The following ZFHX3 variants were observed in gnomAD, a reference collection of about 807,000 sequenced individuals.
ZFHX3 encodes the protein zinc finger homeobox protein 3.
A neutral mutation model predicts 279.1 loss-of-function variants in ZFHX3; 42 were observed. That is an observed-to-expected ratio of 0.15 (90% confidence interval 0.12 to 0.19). The LOEUF (loss-of-function observed/expected upper bound fraction) is 0.19, where lower values mean the gene tolerates loss of function less well. Ranked by LOEUF, ZFHX3 falls within the 10% of genes least tolerant of loss-of-function variation. The pLI is 1.00. For synonymous variants in ZFHX3, 2,293 were observed against 1,957.8 expected (o/e 1.17, Z -4.52); for missense variants, 4,981 against 4,754.0 (o/e 1.05, Z -1.40).
chr16:73,123,206 T>TA (rs34803776), intron 7 of ZFHX3: 56,050 of 135,666 alleles, frequency 0.41, 12,641 homozygotes, highest in Middle Eastern at 0.61. Flanking sequence ...TGTGGTAGAT[T>TA]AAAAAAAAAA....
chr16:73,286,551 G>A (rs565837167), intron 4 of ZFHX3, among the ~76,000 whole-genome samples: 1 of 151,104 alleles, frequency 6.6e-6, no homozygotes, highest in Admixed American at 6.6e-5. Flanking sequence ...CTGTGTGGGT[G>A]TGTGCGTTGG....
intron 3 of ZFHX3, among the ~76,000 whole-genome samples, chr16:73,319,195 A>T (rs1306990309): frequency 6.6e-6 from 1 of 152,112 alleles, no homozygotes; most frequent in Non-Finnish European, 1.5e-5. Flanking sequence ...ATAGGAAAAG[A>T]TGTGAGGGCT....
chr16:73,260,420 C>A (rs1376646320), intron 4 of ZFHX3, among the ~76,000 whole-genome samples: 1 of 152,056 alleles, frequency 6.6e-6, no homozygotes, highest in Non-Finnish European at 1.5e-5. Context: ...TTATACTGTG[C>A]TACTATCGAT....
At chr16:73,600,656 G>A (rs185186040) in intron 2 of ZFHX3, among the ~76,000 whole-genome samples, 30 of 151,998 alleles carry the variant, frequency 2.0e-4, no homozygotes, top group African/African-American at 7.3e-4. Context: ...TCTTGACCTC[G>A]TGATCCGCCC....
At chr16:73,844,120 AG>A (rs1379771148) in intron 1 of ZFHX3, among the ~76,000 whole-genome samples, 23 of 152,206 alleles carry the variant, frequency 1.5e-4, no homozygotes, top group Admixed American at 4.6e-4. Context: ...CTTTCAAACA[AG>A]TGTTTCAGAA....
intron 1 of ZFHX3, among the ~76,000 whole-genome samples, chr16:73,869,621 C>T (rs934346880): frequency 6.6e-6 from 1 of 152,156 alleles, no homozygotes; most frequent in Admixed American, 6.5e-5. Flanking sequence ...AAGAAATAGG[C>T]GCTTACATAT....
intron 1 of ZFHX3, chr16:73,813,909 T>G (rs1218229459): frequency 6.6e-6 from 1 of 152,230 alleles, no homozygotes; most frequent in South Asian, 2.1e-4. Context: ...TTTGTAATAT[T>G]TGCTTAATCT....
chr16:73,638,982 C>T (rs932430043), intron 2 of ZFHX3, among the ~76,000 whole-genome samples: 1 of 152,004 alleles, frequency 6.6e-6, no homozygotes, highest in Non-Finnish European at 1.5e-5. Context: ...AAAAGAAAAA[C>T]AAAGGAAGAG....
intron 3 of ZFHX3, among the ~76,000 whole-genome samples, chr16:73,455,230 G>A (rs1597342003): frequency 6.6e-6 from 1 of 152,156 alleles, no homozygotes. Context: ...CATAAAAATA[G>A]CACCTCTTAT....
intron 4 of ZFHX3, among the ~76,000 whole-genome samples, chr16:72,874,448 C>T (rs528142380): frequency 3.3e-5 from 5 of 151,960 alleles, no homozygotes; most frequent in African/African-American, 1.2e-4. Flanking sequence ...GTGATCTGCC[C>T]GCCTCGGCCT....
intron 2 of ZFHX3, among the ~76,000 whole-genome samples, chr16:73,644,559 G>A (rs886401456): frequency 2.0e-5 from 3 of 152,196 alleles, no homozygotes; most frequent in African/African-American, 7.2e-5. Flanking sequence ...TACCCCAGAG[G>A]CTGAGGTAGG....
At chr16:72,846,600 G>T (rs2037486628) in intron 4 of ZFHX3, among the ~76,000 whole-genome samples, 1 of 152,220 alleles carries the variant, frequency 6.6e-6, no homozygotes, top group Non-Finnish European at 1.5e-5. Flanking sequence ...GTAGTGTCTG[G>T]GATGGACTGC....
At chr16:73,433,134 C>T (rs1022294293) in intron 3 of ZFHX3, among the ~76,000 whole-genome samples, 1 of 152,158 alleles carries the variant, frequency 6.6e-6, no homozygotes, top group Non-Finnish European at 1.5e-5. Context: ...TCAAGGTCCT[C>T]CGTGGAGTAG....
rs751411258 is a variant in ZFHX3, at chr16:72,957,528, G to C, written c.2618C>G (p.Pro873Arg). The C allele has an allele frequency of 1.2e-6, 2 of 1,614,180 alleles. No homozygotes were observed. The highest frequency in any genetic ancestry group is 1.7e-6 in the Non-Finnish European group (2 of 1,180,046). Reference sequence around the variant, plus strand: ...GGCAGCACTGTCCATCTTCAGGTTGGGCAGGTTCATGTTCTGGGCCAGGTA... The same window carrying C: ...GGCAGCACTGTCCATCTTCAGGTTGCGCAGGTTCATGTTCTGGGCCAGGTA... ...QYYLAQNMNL[P>R]NLKMDSAASD... Residue 873 changes from proline to arginine, a missense_variant, in exon 2 of 10, where the codon CCC becomes CGC. By Grantham distance (103) the Pro-to-Arg change is moderately radical. Transcript: ENST00000268489.
At chr16:73,889,279 T>C (rs1169265275) in intron 1 of ZFHX3, among the ~76,000 whole-genome samples, 1 of 152,178 alleles carries the variant, frequency 6.6e-6, no homozygotes, top group Non-Finnish European at 1.5e-5. Context: ...TCCAGAACTT[T>C]CCACTGACTG....
At chr16:73,325,742 G>A (rs62057266) in intron 3 of ZFHX3, among the ~76,000 whole-genome samples, 32,330 of 151,736 alleles carry the variant, frequency 0.21, 3,989 homozygotes, top group African/African-American at 0.34. Flanking sequence ...GAATGATACC[G>A]TTAGGAAAAA....
At chr16:73,444,984 A>G (rs1044550943) in intron 3 of ZFHX3, among the ~76,000 whole-genome samples, 2 of 142,546 alleles carry the variant, frequency 1.4e-5, no homozygotes, top group Non-Finnish European at 3.1e-5. Context: ...AAAAAAAACA[A>G]ATTAGCCAGG....
intron 1 of ZFHX3, among the ~76,000 whole-genome samples, chr16:73,729,565 A>AG (rs1223547187): frequency 1.3e-5 from 2 of 152,110 alleles, no homozygotes; most frequent in Admixed American, 6.5e-5. Flanking sequence ...AAAAAAAAAA[A>AG]AAAAAACCTG....
chr16:73,834,791 T>C (rs967489964), intron 1 of ZFHX3, among the ~76,000 whole-genome samples: 7 of 152,248 alleles, frequency 4.6e-5, no homozygotes, highest in Admixed American at 2.0e-4. Flanking sequence ...CTCATGTCAC[T>C]GAGGCAGGAG....
Sources: gnomAD v4.1 joint callset for allele counts (sites outside exome capture counted in the v4.1 genomes callset) on GRCh38, gnomAD v4.1.1 for gene constraint, MANE v1.5 for transcripts, NCBI Gene and HGNC (gene_info 2026-07-23, HGNC 2026-07-21) for gene names.